Variants in LRMDA observed in about 807,000 individuals in gnomAD.
The protein encoded by LRMDA is leucine-rich melanocyte differentiation-associated protein.
Under a neutral mutation model 29.8 loss-of-function variants are expected in LRMDA, and 18 were observed. The ratio of observed to expected loss-of-function variants is 0.60; its 90% CI spans 0.42 to 0.90. The LOEUF (loss-of-function observed/expected upper bound fraction) is 0.90, where lower values mean the gene tolerates loss of function less well. LRMDA is among the 40% of genes least tolerant of loss of function. The probability of loss-of-function intolerance (pLI) is 0.00; values close to 1 mark genes in which losing one functional copy is unlikely to be tolerated. For missense variants in LRMDA, 273 were observed against 273.9 expected, an observed-to-expected ratio of 1.00 and a Z score of 0.02; for synonymous variants, 125 against 109.4, an observed-to-expected ratio of 1.14 and a Z score of -0.89.
At chr10:75,570,162 A>C (rs1781658022) in intron 2 of LRMDA, among the ~76,000 whole-genome samples, 1 of 152,242 alleles carries the variant, frequency 6.6e-6, no homozygotes, top group South Asian at 2.1e-4. Flanking sequence ...ACGTTAGGCA[A>C]GTCACTAAGT....
intron 2 of LRMDA, among the ~76,000 whole-genome samples, chr10:75,579,442 C>T (rs1176460664): frequency 1.3e-5 from 2 of 152,272 alleles, no homozygotes; most frequent in Middle Eastern, 3.4e-3. Context: ...AGCCTACCAA[C>T]CAAAAAAGTC....
chr10:76,102,184 G>A (rs1228202804), intron 5 of LRMDA, among the ~76,000 whole-genome samples: 2 of 152,142 alleles, frequency 1.3e-5, no homozygotes, highest in East Asian at 1.9e-4. Flanking sequence ...TTTGATGGAC[G>A]TTTGGGTGTT....
At chr10:75,955,964 C>T (rs11595626) in intron 2 of LRMDA, among the ~76,000 whole-genome samples, 1 of 152,196 alleles carries the variant, frequency 6.6e-6, no homozygotes, top group Non-Finnish European at 1.5e-5. Flanking sequence ...TAATACATTA[C>T]TACAAAACCT....
At chr10:76,526,105 G>A (rs1284149166) in intron 6 of LRMDA, among the ~76,000 whole-genome samples, 4 of 152,192 alleles carry the variant, frequency 2.6e-5, no homozygotes, top group African/African-American at 9.7e-5. Context: ...ATTTGATGAT[G>A]GGTGATATGT....
At chr10:76,529,210 C>T (rs1038553404) in intron 6 of LRMDA, among the ~76,000 whole-genome samples, 1 of 152,006 alleles carries the variant, frequency 6.6e-6, no homozygotes, top group Non-Finnish European at 1.5e-5. Flanking sequence ...TTAAAATAGG[C>T]ATATTGAAAA....
At chr10:76,123,946 A>C (rs905014247) in intron 5 of LRMDA, among the ~76,000 whole-genome samples, 1 of 152,146 alleles carries the variant, frequency 6.6e-6, no homozygotes, top group African/African-American at 2.4e-5. Context: ...TATTACTATT[A>C]CCAAAGAGGC....
In LRMDA at chr10:76,036,037, G is replaced by A; in HGVS notation, c.161G>A (p.Ser54Asn). The A allele has an allele frequency of 6.2e-7, 1 of 1,614,126 alleles. No individual in the cohort carries two copies. Residue 54 changes from serine (S) to asparagine (N), a missense_variant, in exon 3 of 7, where the codon AGC becomes AAC. Physicochemically the swap from Ser to Asn is conservative, Grantham distance 46. Transcript: ENST00000611255. ...CTGGAAGGACTGAGCGCATTCAGGA[G>A]CCTGGAGGAACTCATCTTGGACAAC... is the stretch of plus-strand genomic sequence containing the variant. ...RSLEGLSAFR[S>N]LEELILDNNQ...
At chr10:75,834,263 A>T (rs1159355548) in intron 2 of LRMDA, among the ~76,000 whole-genome samples, 2 of 152,110 alleles carry the variant, frequency 1.3e-5, no homozygotes, top group African/African-American at 4.8e-5. Flanking sequence ...GGATAATTCT[A>T]TGTCTATTTC....
At chr10:76,031,806 T>C (rs1848155083) in intron 2 of LRMDA, among the ~76,000 whole-genome samples, 1 of 151,770 alleles carries the variant, frequency 6.6e-6, no homozygotes, top group South Asian at 2.1e-4. Flanking sequence ...TCTTGATTGG[T>C]TTGAGAACAT....
intron 2 of LRMDA, among the ~76,000 whole-genome samples, chr10:75,651,387 T>C (rs1841597861): frequency 1.3e-5 from 2 of 152,174 alleles, no homozygotes; most frequent in Admixed American, 1.3e-4. Context: ...GTGCACACTG[T>C]CATAAGCCCT....
chr10:76,345,028 T>TAAA (rs35305324), intron 6 of LRMDA, among the ~76,000 whole-genome samples: 10 of 146,856 alleles, frequency 6.8e-5, no homozygotes, highest in Admixed American at 4.7e-4. Context: ...TGATTTTATT[T>TAAA]AAAAAAAACC....
intron 6 of LRMDA, among the ~76,000 whole-genome samples, chr10:76,426,562 C>A (rs1234321668): frequency 6.6e-6 from 1 of 152,138 alleles, no homozygotes; most frequent in African/African-American, 2.4e-5. Context: ...TGCCTGTTCA[C>A]TCTGATGGTA....
intron 2 of LRMDA, among the ~76,000 whole-genome samples, chr10:75,791,043 A>T (rs373521418): frequency 7.2e-5 from 11 of 152,320 alleles, no homozygotes; most frequent in Middle Eastern, 3.4e-3. Context: ...ATTCCGAGCT[A>T]TGGGGGCTAA....
intron 4 of LRMDA, among the ~76,000 whole-genome samples, chr10:76,055,063 C>CA (rs531729040): frequency 0.032 from 1,447 of 45,856 alleles, 122 homozygotes; most frequent in East Asian, 0.043. Context: ...GACTCCATCT[C>CA]AAAAAAAAAA....
At chr10:75,943,174 A>G (rs896226911) in intron 2 of LRMDA, among the ~76,000 whole-genome samples, 3 of 152,080 alleles carry the variant, frequency 2.0e-5, no homozygotes, top group African/African-American at 7.2e-5. Context: ...CAAAAAAAAA[A>G]AAAAAAGGAC....
intron 2 of LRMDA, among the ~76,000 whole-genome samples, chr10:75,948,419 A>G (rs779223344): frequency 1.3e-5 from 2 of 152,210 alleles, no homozygotes; most frequent in Non-Finnish European, 2.9e-5. Flanking sequence ...TTTATTACGC[A>G]GTCTTCATTA....
chr10:76,159,205 A>G (rs1163683205), intron 5 of LRMDA, among the ~76,000 whole-genome samples: 3 of 152,208 alleles, frequency 2.0e-5, no homozygotes, highest in Non-Finnish European at 4.4e-5. Context: ...AAATAAGGAA[A>G]TGCACATCAA....
intron 2 of LRMDA, among the ~76,000 whole-genome samples, chr10:75,722,990 A>G (rs1000721695): frequency 1.3e-5 from 2 of 152,222 alleles, no homozygotes; most frequent in African/African-American, 2.4e-5. Context: ...GTTGCATCCA[A>G]TTGATCTGAT....
intron 5 of LRMDA, among the ~76,000 whole-genome samples, chr10:76,236,822 AT>A (rs1852161588): frequency 6.6e-6 from 1 of 152,250 alleles, no homozygotes. Flanking sequence ...AATGTAGTAT[AT>A]TGAAATACTG....
Sources: allele counts gnomAD v4.1 joint callset (sites outside exome capture counted in the v4.1 genomes callset), GRCh38; gene constraint gnomAD v4.1.1; transcripts MANE v1.5; gene names NCBI Gene and HGNC (gene_info 2026-07-23, HGNC 2026-07-21).